NAALADL2: variants seen among roughly 807,000 people sequenced by gnomAD.
NAALADL2 encodes N-acetylated alpha-linked acidic dipeptidase like 2.
In NAALADL2, 76 loss-of-function variants were observed where a neutral mutation model predicts 87.2. That is an observed-to-expected ratio of 0.87 (90% CI 0.72 to 1.05). The LOEUF (loss-of-function observed/expected upper bound fraction) is 1.05, where lower values mean the gene tolerates loss of function less well. Among genes scored for constraint, NAALADL2 ranks in the 50% least tolerant of loss-of-function variants. NAALADL2 has a pLI of 0.00. For synonymous variants in NAALADL2, 354 were observed against 331.0 expected (o/e 1.07, Z -0.75); for missense variants, 1,089 against 945.8 (o/e 1.15, Z -1.99).
intron 2 of NAALADL2, among the ~76,000 whole-genome samples, chr3:174,735,734 T>C (rs148577315): frequency 8.3e-4 from 126 of 152,228 alleles, no homozygotes; most frequent in African/African-American, 2.9e-3. Context: ...TAATTTTTTA[T>C]TTTTATTTCT....
intron 2 of NAALADL2, chr3:175,124,416 T>G (rs1183556311): frequency 6.6e-6 from 1 of 151,868 alleles, no homozygotes; most frequent in Non-Finnish European, 1.5e-5. Flanking sequence ...ACTTTTTACC[T>G]CAGGGTCATT....
chr3:175,671,043 C>T lies in NAALADL2; in HGVS notation c.1896+43657C>T, dbSNP rs116418536. Among the ~76,000 whole-genome samples, 346 of 151,436 alleles carry T rather than the reference C, an allele frequency of 2.3e-3. 5 individuals carry two copies. Among genetic ancestry groups the T allele is most frequent in the African/African-American group, 7.6e-3 (316 of 41,308 alleles). On this transcript the variant is annotated intron_variant, in intron 11 of 13. Coordinates refer to ENST00000454872, the MANE Select transcript of NAALADL2 (RefSeq NM_207015.3). ...AAAAAGCGAGAATAAAAATTTTAGACCCTAAACAACAGGGACACGTTTTAA... is the reference window on the plus strand; with the variant it reads ...AAAAAGCGAGAATAAAAATTTTAGATCCTAAACAACAGGGACACGTTTTAA...
intron 1 of NAALADL2, among the ~76,000 whole-genome samples, chr3:174,875,362 T>G (rs116783928): frequency 2.6e-5 from 4 of 152,056 alleles, no homozygotes; most frequent in African/African-American, 9.7e-5. Context: ...AATAGTTGTT[T>G]ACTATGTACA....
intron 13 of NAALADL2, among the ~76,000 whole-genome samples, chr3:175,785,796 G>A (rs1351367122): frequency 6.6e-6 from 1 of 150,710 alleles, no homozygotes; most frequent in Admixed American, 6.6e-5. Flanking sequence ...TTTCTTCCTA[G>A]TCTTGATGGT....
At chr3:174,705,014 G>A (rs529211795) in intron 2 of NAALADL2, among the ~76,000 whole-genome samples, 10 of 152,214 alleles carry the variant, frequency 6.6e-5, no homozygotes, top group African/African-American at 2.2e-4. Flanking sequence ...ATTTAAGAAA[G>A]ATTAATAAAA....
chr3:175,588,234 T>A (rs1404009528), intron 10 of NAALADL2, among the ~76,000 whole-genome samples: 1 of 152,106 alleles, frequency 6.6e-6, no homozygotes, highest in Non-Finnish European at 1.5e-5. Flanking sequence ...CCCTAAGAAA[T>A]GTGGACACCT....
chr3:175,473,394 A>ATT (rs11456346), intron 9 of NAALADL2, among the ~76,000 whole-genome samples: 1 of 151,094 alleles, frequency 6.6e-6, no homozygotes, highest in South Asian at 2.1e-4. Context: ...TATAGAAAAT[A>ATT]TTTTTTTTCT....
chr3:174,618,631 G>A (rs1720710220), intron 2 of NAALADL2, among the ~76,000 whole-genome samples: 1 of 151,748 alleles, frequency 6.6e-6, no homozygotes, highest in Non-Finnish European at 1.5e-5. Context: ...GAGGAAGAGT[G>A]AAATCTTTTT....
At chr3:174,992,689 GA>G (rs1490230250) in intron 1 of NAALADL2, among the ~76,000 whole-genome samples, 5 of 151,494 alleles carry the variant, frequency 3.3e-5, no homozygotes, top group East Asian at 1.9e-4. Flanking sequence ...TCTTTTCTTG[GA>G]AAAAAATGAT....
At chr3:175,740,237 A>G (rs1266981802) in intron 12 of NAALADL2, among the ~76,000 whole-genome samples, 1 of 152,236 alleles carries the variant, frequency 6.6e-6, no homozygotes, top group African/African-American at 2.4e-5. Context: ...CAAAAGGAGA[A>G]CAGAGAATTG....
intron 2 of NAALADL2, among the ~76,000 whole-genome samples, chr3:174,737,248 G>C (rs2108999637): frequency 6.6e-6 from 1 of 152,284 alleles, no homozygotes. Flanking sequence ...AATTTCTCCT[G>C]CCTTGGCCTC....
chr3:175,079,246 T>A (rs1375688827), intron 1 of NAALADL2: 1 of 152,234 alleles, frequency 6.6e-6, no homozygotes, highest in African/African-American at 2.4e-5. Flanking sequence ...GAATTTATTT[T>A]CAGATCATTT....
At chr3:175,541,655 T>A (rs1041807904) in intron 9 of NAALADL2, among the ~76,000 whole-genome samples, 2 of 149,664 alleles carry the variant, frequency 1.3e-5, no homozygotes, top group Non-Finnish European at 2.9e-5. Flanking sequence ...AAGATACACT[T>A]GTTTCCTTTT....
chr3:175,475,895 A>G (rs1725632083), intron 9 of NAALADL2, among the ~76,000 whole-genome samples: 1 of 152,006 alleles, frequency 6.6e-6, no homozygotes, highest in Non-Finnish European at 1.5e-5. Context: ...TTTCTTAAAA[A>G]ATAGTTTGTA....
intron 13 of NAALADL2, among the ~76,000 whole-genome samples, chr3:175,768,442 A>G (rs866537646): frequency 2.6e-5 from 4 of 152,188 alleles, no homozygotes; most frequent in African/African-American, 9.6e-5. Flanking sequence ...GTTCAGAAAC[A>G]TTAGTTTTTT....
chr3:174,540,330 T>G (rs1380097721), intron 1 of NAALADL2, among the ~76,000 whole-genome samples: 1 of 152,154 alleles, frequency 6.6e-6, no homozygotes, highest in African/African-American at 2.4e-5. Flanking sequence ...TCCCTTGTTT[T>G]GGGGTCATTT....
intron 1 of NAALADL2, among the ~76,000 whole-genome samples, chr3:174,523,242 A>T (rs2108418813): frequency 6.6e-6 from 1 of 152,314 alleles, no homozygotes. Context: ...TTAGGTGATG[A>T]GACTGCAGTT....
At chr3:175,196,030 G>A (rs1192374095) in intron 2 of NAALADL2, among the ~76,000 whole-genome samples, 1 of 151,914 alleles carries the variant, frequency 6.6e-6, no homozygotes, top group Admixed American at 6.6e-5. Flanking sequence ...GGGTAGCCAA[G>A]GGTGGTGTTC....
chr3:175,462,281 G>A (rs941075042), intron 6 of NAALADL2, among the ~76,000 whole-genome samples: 1 of 152,062 alleles, frequency 6.6e-6, no homozygotes, highest in Non-Finnish European at 1.5e-5. Context: ...AAACGAAAAT[G>A]CATAGTACCT....
Sources: allele counts gnomAD v4.1 joint callset (sites outside exome capture counted in the v4.1 genomes callset), GRCh38; gene constraint gnomAD v4.1.1; transcripts MANE v1.5; gene names NCBI Gene and HGNC (gene_info 2026-07-23, HGNC 2026-07-21).